SCAI: variants seen among roughly 807,000 people sequenced by gnomAD.
SCAI encodes the protein suppressor of cancer cell invasion.
In SCAI, 24 loss-of-function variants were observed where a neutral mutation model predicts 92.2. The ratio of observed to expected loss-of-function variants is 0.26; its 90% CI spans 0.19 to 0.37. SCAI has a LOEUF of 0.37. SCAI is among the 10% of genes least tolerant of loss of function. SCAI has a pLI of 1.00. For synonymous variants in SCAI, 261 were observed against 258.6 expected, an observed-to-expected ratio of 1.01 and a Z score of -0.09; for missense variants, 450 against 736.2, an observed-to-expected ratio of 0.61 and a Z score of 4.50.
chr9:124,964,712 C>CA (rs761109118), intron 17 of SCAI, among the ~76,000 whole-genome samples: 1 of 152,062 alleles, frequency 6.6e-6, no homozygotes, highest in Non-Finnish European at 1.5e-5. Flanking sequence ...TGCCAAATAT[C>CA]AAAAAAACTT....
In SCAI at chr9:124,974,030, C is replaced by A. The variant is rs932473096; in HGVS notation, c.1399+2084G>T. On this transcript the variant is annotated intron_variant, in intron 15 of 17. Transcript: ENST00000336505. ...ATTGTGCTGCTAGTCAGGAGTTCCTCGTCCATTTGCAGGCATCCTCTTGTG... is the reference window on the plus strand; with the variant it reads ...ATTGTGCTGCTAGTCAGGAGTTCCTAGTCCATTTGCAGGCATCCTCTTGTG... The A allele has an allele frequency of 2.4e-5, 6 of 246,438 alleles. No individual in the cohort carries two copies. In the Admixed American group the frequency reaches 3.2e-4, roughly 13 times the overall value. 15.3% of individuals were successfully genotyped at this position (246,438 alleles called of 1,614,324 possible).
chr9:125,064,176 C>A (rs974650245), intron 2 of SCAI, among the ~76,000 whole-genome samples: 2 of 152,070 alleles, frequency 1.3e-5, no homozygotes, highest in African/African-American at 4.8e-5. Flanking sequence ...AATTTTAGAA[C>A]ATATCCCTCA....
chr9:125,081,351 C>G lies in SCAI; in HGVS notation c.99-25344G>C, dbSNP rs1834213182. ...CTGATAGTGATATGGACAATAAAATCCAGGCTGAGGTGCTCTCAGATGGAG... is the reference window on the plus strand; with the variant it reads ...CTGATAGTGATATGGACAATAAAATGCAGGCTGAGGTGCTCTCAGATGGAG... On this transcript the variant is annotated intron_variant, in intron 2 of 17. Coordinates refer to ENST00000336505, the MANE Select transcript of SCAI (RefSeq NM_001144877.3). Among the ~76,000 whole-genome samples the G allele has an allele frequency of 2.0e-5, 3 of 152,272 alleles. No individual in the cohort carries two copies. The South Asian group carries it at 6.2e-4, about 32-fold the overall frequency.
intron 2 of SCAI, among the ~76,000 whole-genome samples, chr9:125,074,364 C>T (rs12235568): frequency 6.6e-6 from 1 of 151,138 alleles, no homozygotes; most frequent in East Asian, 2.1e-4. Flanking sequence ...TCAAGCGATT[C>T]TCCTGCCTCA....
intron 2 of SCAI, among the ~76,000 whole-genome samples, chr9:125,078,531 A>G (rs573727078): frequency 2.0e-5 from 3 of 152,288 alleles, no homozygotes; most frequent in African/African-American, 7.2e-5. Flanking sequence ...TCTATCTCAA[A>G]AAAAGCCAAC....
rs1032100990 is a variant in SCAI at position 125,019,848 on chromosome 9, C to A, written c.610-643G>T. Among the ~76,000 whole-genome samples the A allele has an allele frequency of 7.9e-5, 12 of 151,724 alleles. 1 individual carries two copies. Among genetic ancestry groups the A allele is most frequent in the Non-Finnish European group, 1.5e-5 (1 of 67,938 alleles). ...CAGCACTTCGGGAGGCAGAGGCTGG[C>A]GGATTGCTTGAACTCATGAGTTTCA... On this transcript the variant is annotated intron_variant, in intron 7 of 17. Transcript: ENST00000336505.
In SCAI at chr9:124,985,659, G is replaced by A. The variant is rs144737034; in HGVS notation, c.1326+9275C>T. ...GAGGCGGGCAGATCACCTGAGGTTG[G>A]GAGTTTGAGGCCACCCTGACCAACA... On this transcript the variant is annotated intron_variant, in intron 14 of 17. Transcript: ENST00000336505. 1.6e-3 allele frequency among the ~76,000 whole-genome samples: 243 copies of A among 151,798 alleles called. 2 individuals are homozygous for A. The highest frequency in any genetic ancestry group is 5.5e-3 in the African/African-American group (228 of 41,410).
rs1439866969 is a variant in SCAI at position 124,966,570 on chromosome 9, A to C, written c.1674+4800T>G. 2.0e-5 allele frequency among the ~76,000 whole-genome samples: 3 copies of C among 152,188 alleles called. No homozygotes were observed. The East Asian group carries it at 5.8e-4, about 29-fold the overall frequency. ...TATATCTTATAGTAGTAAATGATAA[A>C]ATAGACTAGTGTCTACATATATTTT... On this transcript the variant is annotated intron_variant, in intron 17 of 17. Coordinates refer to ENST00000336505, the MANE Select transcript of SCAI (RefSeq NM_001144877.3).
chr9:125,122,805 C>T (rs1835182535), intron 2 of SCAI, among the ~76,000 whole-genome samples: 1 of 152,116 alleles, frequency 6.6e-6, no homozygotes, highest in African/African-American at 2.4e-5. Flanking sequence ...ACTTCAGAGG[C>T]TAGGGTGGGA....
At chr9:125,100,178 T>C (rs1834649738) in intron 2 of SCAI, among the ~76,000 whole-genome samples, 1 of 152,254 alleles carries the variant, frequency 6.6e-6, no homozygotes, top group African/African-American at 2.4e-5. Flanking sequence ...AAGTAGCTCT[T>C]GTCTCTTGTG....
Position 125,014,915 on chromosome 9 carries a change from C to A in SCAI, c.861+3884G>T, listed in dbSNP as rs1471334675. Among the ~76,000 whole-genome samples, 27 of 149,340 alleles carry A rather than the reference C, an allele frequency of 1.8e-4. 2 individuals carry two copies. In the East Asian group the frequency reaches 2.7e-3, roughly 15 times the overall value. On this transcript the variant is annotated intron_variant, in intron 9 of 17. Coordinates refer to ENST00000336505, the MANE Select transcript of SCAI (RefSeq NM_001144877.3). ...TATCTGATCTTTGACAAACCTGAGA[C>A]AAACAAGCAATGGGGAAAGGATTCC...
intron 3 of SCAI, among the ~76,000 whole-genome samples, chr9:125,036,860 C>T (rs1470929020): frequency 6.6e-6 from 1 of 152,176 alleles, no homozygotes; most frequent in African/African-American, 2.4e-5. Flanking sequence ...ATGGCTCATG[C>T]CTGTAGTCCC....
intron 2 of SCAI, among the ~76,000 whole-genome samples, chr9:125,130,936 CTTTTTTTTTTTTT>C (rs545651994): frequency 3.9e-5 from 3 of 77,274 alleles, no homozygotes; most frequent in African/African-American, 1.0e-4. Context: ...GTTTGAACCG[CTTTTTTTTTTTTT>C]TTTTTTTTTT....
At chr9:125,113,171 G>A (rs957821319) in intron 2 of SCAI, among the ~76,000 whole-genome samples, 36 of 152,180 alleles carry the variant, frequency 2.4e-4, no homozygotes, top group African/African-American at 8.7e-4. Flanking sequence ...ACTTAACAAT[G>A]AAGAAATTTG....
At chr9:125,005,467 G>A (rs1832484238) in intron 9 of SCAI, among the ~76,000 whole-genome samples, 1 of 152,158 alleles carries the variant, frequency 6.6e-6, no homozygotes, top group Non-Finnish European at 1.5e-5. Flanking sequence ...GAGTAGCTGG[G>A]ATTACAGGCA....
At chr9:124,966,109 A>G (rs1260421255) in intron 17 of SCAI, among the ~76,000 whole-genome samples, 1 of 152,158 alleles carries the variant, frequency 6.6e-6, no homozygotes, top group Non-Finnish European at 1.5e-5. Context: ...TTTAAGTTCT[A>G]GGGTACATGT....
chr9:125,132,645 G>C (rs187285480), intron 2 of SCAI, among the ~76,000 whole-genome samples: 2 of 152,236 alleles, frequency 1.3e-5, no homozygotes, highest in Non-Finnish European at 2.9e-5. Context: ...TCCCAAACTT[G>C]CTCTTGCTCC....
Position 124,944,269 on chromosome 9 carries a change from A to T in SCAI, c.*8538T>A, listed in dbSNP as rs999957181. The T allele has an allele frequency of 2.0e-5, 3 of 151,418 alleles. No homozygotes were observed. Among genetic ancestry groups the T allele is most frequent in the Non-Finnish European group, 4.4e-5 (3 of 67,804 alleles). The allele number at this position is 151,418 out of a possible 1,614,324, so 9.4% of individuals were successfully genotyped here. A position where few individuals can be genotyped will look rare whatever the true frequency, so the allele number is the denominator to read the frequency against. The stretch of plus-strand genomic sequence containing the variant: ...ATGATACAGTAACAAGTTAACAAAA[A>T]CCATTCTTCAGGAAATAGTAATAAA... On this transcript the variant is annotated 3_prime_UTR_variant, in exon 18 of 18. Coordinates refer to ENST00000336505, the MANE Select transcript of SCAI (RefSeq NM_001144877.3).
At chr9:125,117,341 T>C (rs1476631570) in intron 2 of SCAI, among the ~76,000 whole-genome samples, 1 of 152,220 alleles carries the variant, frequency 6.6e-6, no homozygotes, top group Non-Finnish European at 1.5e-5. Flanking sequence ...TCAATCATTA[T>C]AGAGGAATGC....
Sources: allele counts gnomAD v4.1 joint callset (sites outside exome capture counted in the v4.1 genomes callset), GRCh38; gene constraint gnomAD v4.1.1; transcripts MANE v1.5; gene names NCBI Gene and HGNC (gene_info 2026-07-23, HGNC 2026-07-21).